Variants in VAV3 observed in about 807,000 individuals in gnomAD.
VAV3 encodes the protein guanine nucleotide exchange factor VAV3.
Under a neutral mutation model 131.2 loss-of-function variants are expected in VAV3, and 94 were observed. The ratio of observed to expected loss-of-function variants is 0.72; its 90% CI spans 0.61 to 0.85. VAV3 has a LOEUF of 0.85. Among genes scored for constraint, VAV3 ranks in the 40% least tolerant of loss-of-function variants. The pLI is 0.00. For synonymous variants in VAV3, 349 were observed against 342.0 expected, an observed-to-expected ratio of 1.02 and a Z score of -0.22; for missense variants, 939 against 1,002.7, an observed-to-expected ratio of 0.94 and a Z score of 0.86.
At chr1:107,693,736 T>C (rs1389109349) in intron 17 of VAV3, among the ~76,000 whole-genome samples, 2 of 152,174 alleles carry the variant, frequency 1.3e-5, no homozygotes, top group African/African-American at 4.8e-5. Context: ...GCCACTCCTC[T>C]GAACTTGGTA....
At chr1:107,950,475 G>A (rs1247207244) in intron 1 of VAV3, among the ~76,000 whole-genome samples, 4 of 152,170 alleles carry the variant, frequency 2.6e-5, no homozygotes, top group East Asian at 1.9e-4. Context: ...CTGGGATTTG[G>A]AGCGTTGGAA....
At chr1:107,933,551 T>G (rs1297628714) in intron 1 of VAV3, among the ~76,000 whole-genome samples, 1 of 152,070 alleles carries the variant, frequency 6.6e-6, no homozygotes, top group African/African-American at 2.4e-5. Flanking sequence ...CATATGAAAA[T>G]TGAATCTCCC....
At chr1:107,872,444 C>T (rs867028215) in intron 2 of VAV3, among the ~76,000 whole-genome samples, 13 of 152,156 alleles carry the variant, frequency 8.5e-5, no homozygotes, top group African/African-American at 2.7e-4. Context: ...TTTAAGTTAA[C>T]AGAACATTTA....
At chr1:107,594,149 A>ACCC (rs922910183) in intron 25 of VAV3, among the ~76,000 whole-genome samples, 3 of 151,764 alleles carry the variant, frequency 2.0e-5, no homozygotes, top group African/African-American at 7.3e-5. Flanking sequence ...ACCAACCTAC[A>ACCC]CCCCTTCTCT....
At chr1:107,729,981 T>C (rs1288880813) in intron 15 of VAV3, among the ~76,000 whole-genome samples, 8 of 152,174 alleles carry the variant, frequency 5.3e-5, no homozygotes, top group Non-Finnish European at 1.0e-4. Flanking sequence ...TAACAATATG[T>C]GGACAGGACT....
chr1:107,668,475 T>C (rs988287615), intron 19 of VAV3, among the ~76,000 whole-genome samples: 3 of 152,180 alleles, frequency 2.0e-5, no homozygotes, highest in Non-Finnish European at 4.4e-5. Context: ...AAATTAAAAA[T>C]AAAGCATGTA....
chr1:107,617,540 A>G, intron 21 of VAV3, 27 bp downstream of exon 21: 1 of 1,586,954 alleles, frequency 6.3e-7, no homozygotes, highest in Non-Finnish European at 8.6e-7. Context: ...AAATGAAGCA[A>G]GAGAAAATTA....
chr1:107,573,725 G>T (rs953088059), intron 26 of VAV3, among the ~76,000 whole-genome samples: 6 of 152,166 alleles, frequency 3.9e-5, no homozygotes, highest in African/African-American at 1.4e-4. Context: ...AGTTCTTATA[G>T]ATATTTTGCA....
At chr1:107,606,718 C>T (rs1364167717) in intron 22 of VAV3, among the ~76,000 whole-genome samples, 3 of 149,938 alleles carry the variant, frequency 2.0e-5, no homozygotes, top group African/African-American at 7.4e-5. Flanking sequence ...ATTGAGCTTA[C>T]TTCCAATGAA....
chr1:107,771,253 C>CTT (rs34501550), intron 5 of VAV3, among the ~76,000 whole-genome samples: 5 of 135,120 alleles, frequency 3.7e-5, no homozygotes, highest in Non-Finnish European at 4.8e-5. Context: ...TTCTTGTCAG[C>CTT]TTTTTTTTTT....
intron 1 of VAV3, among the ~76,000 whole-genome samples, chr1:107,942,186 C>T (rs1419625010): frequency 1.3e-5 from 2 of 152,170 alleles, no homozygotes; most frequent in African/African-American, 4.8e-5. Flanking sequence ...TTTTCTGTAA[C>T]CACTTGATAT....
At position 107,751,129 on chromosome 1, in the gene VAV3, G is replaced by T; in HGVS notation, c.1247C>A (p.Thr416Asn). The T allele has an allele frequency of 1.1e-5, 18 of 1,608,880 alleles. No individual in the cohort carries two copies. The highest frequency in any genetic ancestry group is 1.4e-5 in the Non-Finnish European group (17 of 1,178,332). Reference protein sequence around the residue: ...EIRITTLDKHTKQERHIFLFD... With the variant: ...EIRITTLDKHNKQERHIFLFD... Reference sequence around the variant, plus strand: ...CTTCTTTTCTTACCTTTCTTGTTTGGTATGCTTGTCTAGAGTGGTTATTCG... The same window carrying T: ...CTTCTTTTCTTACCTTTCTTGTTTGTTATGCTTGTCTAGAGTGGTTATTCG... The change falls in exon 13 of 27, where the codon ACC becomes AAC. Residue 416 changes from threonine to asparagine, a missense_variant. By Grantham distance (65) the Thr-to-Asn change is moderately conservative. Coordinates refer to ENST00000370056, the MANE Select transcript of VAV3 (RefSeq NM_006113.5).
chr1:107,719,888 G>C (rs1661376793), intron 15 of VAV3, among the ~76,000 whole-genome samples: 1 of 152,154 alleles, frequency 6.6e-6, no homozygotes, highest in Non-Finnish European at 1.5e-5. Context: ...CATTAAAAAG[G>C]ATGAGTTCAT....
At chr1:107,785,204 A>G (rs1665914910) in intron 2 of VAV3, among the ~76,000 whole-genome samples, 2 of 152,226 alleles carry the variant, frequency 1.3e-5, no homozygotes, top group African/African-American at 4.8e-5. Context: ...AAAACAAGTC[A>G]TCTAAGCAGG....
intron 2 of VAV3, among the ~76,000 whole-genome samples, chr1:107,816,565 C>T (rs997261120): frequency 6.6e-6 from 1 of 152,196 alleles, no homozygotes; most frequent in African/African-American, 2.4e-5. Flanking sequence ...ATATATTTCA[C>T]TCCAATGCTA....
rs1653254864 is a variant in VAV3 at position 107,617,587 on chromosome 1, C to A, written c.1960G>T (p.Ala654Ser). ...SGEVGFFPSD[A>S]VKPCPCVPKP... ...CTTACACATGGGCAAGGCTTGACTG[C>A]ATCACTTGGAAAAAATCCAACCTCT... Residue 654 changes from alanine to serine, a missense_variant, in exon 21 of 27, where the codon GCA (alanine) becomes TCA (serine). Physicochemically the swap from Ala to Ser is moderately conservative, Grantham distance 99 (BLOSUM62 1). Coordinates refer to ENST00000370056, the MANE Select transcript of VAV3 (RefSeq NM_006113.5). The A allele has an allele frequency of 1.2e-6, 2 of 1,612,356 alleles. No individual in the cohort carries two copies. The highest frequency in any genetic ancestry group is 1.7e-5 in the Admixed American group (1 of 59,906).
chr1:107,711,725 A>G (rs747752508), intron 15 of VAV3, among the ~76,000 whole-genome samples: 55 of 152,168 alleles, frequency 3.6e-4, no homozygotes, highest in Middle Eastern at 3.4e-3. Flanking sequence ...TTTTTTTGAA[A>G]CAGAGTCTTG....
At chr1:107,721,194 C>T (rs1194212430) in intron 15 of VAV3, among the ~76,000 whole-genome samples, 1 of 152,066 alleles carries the variant, frequency 6.6e-6, no homozygotes, top group Non-Finnish European at 1.5e-5. Context: ...TAACGGAATT[C>T]AAATAGATTT....
rs566891174 is a variant in VAV3, at chr1:107,609,824, C to T, written c.2015+107G>A. ...TGTTACATCTGAAAACACCTTTAGC[C>T]GAGACAAATGGAAATGGAATATGGT... On this transcript the variant is annotated intron_variant, in intron 22 of 26. Transcript: ENST00000370056. The T allele has an allele frequency of 3.6e-5, 42 of 1,169,320 alleles. 1 individual carries two copies. The highest frequency in any genetic ancestry group is 2.9e-4 in the South Asian group (21 of 73,258). 72.4% of individuals were successfully genotyped at this position (1,169,320 alleles called of 1,614,324 possible). A position where few individuals can be genotyped will look rare whatever the true frequency, so the allele number is the denominator to read the frequency against.
Sources: allele counts gnomAD v4.1 joint callset (sites outside exome capture counted in the v4.1 genomes callset), GRCh38; gene constraint gnomAD v4.1.1; transcripts MANE v1.5; gene names NCBI Gene and HGNC (gene_info 2026-07-23, HGNC 2026-07-21).